The following ABITRAM variants were observed in gnomAD, a reference collection of about 807,000 sequenced individuals.
ABITRAM encodes the protein protein Abitram.
Under a neutral mutation model 22.9 loss-of-function variants are expected in ABITRAM, and 19 were observed. The observed-to-expected ratio is 0.83, with a 90% CI of 0.58 to 1.22. ABITRAM has a LOEUF of 1.22. ABITRAM is among the 50% of genes most tolerant of loss of function. The pLI, the probability that ABITRAM is intolerant of heterozygous loss-of-function variation, is 0.00. For missense variants in ABITRAM, 215 were observed against 220.2 expected, an observed-to-expected ratio of 0.98 and a Z score of 0.15; for synonymous variants, 70 against 73.9, an observed-to-expected ratio of 0.95 and a Z score of 0.27.
chr9:108,948,552 A>T (rs1426069274), intron 3 of ABITRAM, among the ~76,000 whole-genome samples: 1 of 152,192 alleles, frequency 6.6e-6, no homozygotes, highest in African/African-American at 2.4e-5. Context: ...GAGATTTGAT[A>T]ATGTCTTGAC....
At chr9:108,941,202 A>G (rs2132069463), downstream of ABITRAM, among the ~76,000 whole-genome samples, 1 of 152,296 alleles carries the variant, frequency 6.6e-6, no homozygotes, top group East Asian at 1.9e-4. Flanking sequence ...AAAAACTTGT[A>G]ATCTGAGTGC....
intron 3 of ABITRAM, among the ~76,000 whole-genome samples, chr9:108,946,559 A>G (rs920847820): frequency 1.3e-5 from 2 of 152,178 alleles, no homozygotes; most frequent in Non-Finnish European, 2.9e-5. Context: ...CCACCCCTCT[A>G]TCACCTCTGT....
At chr9:108,943,934 C>A, downstream of ABITRAM, 1 of 1,610,528 alleles carries the variant, frequency 6.2e-7, no homozygotes, top group South Asian at 1.1e-5. Context: ...ATACCACCAC[C>A]AGCTCCAGGT....
intron 3 of ABITRAM, among the ~76,000 whole-genome samples, chr9:108,937,090 G>A (rs1260326969): frequency 6.6e-6 from 1 of 152,170 alleles, no homozygotes; most frequent in Non-Finnish European, 1.5e-5. Context: ...AACCTGGGAG[G>A]CGGAGGTTGC....
downstream of ABITRAM, chr9:108,942,851 C>A: frequency 1.2e-6 from 2 of 1,613,114 alleles, no homozygotes; most frequent in South Asian, 2.2e-5. Flanking sequence ...AGAGTTAAGA[C>A]AATTAGTATC....
intron 3 of ABITRAM, among the ~76,000 whole-genome samples, chr9:108,937,138 C>T (rs1433025337): frequency 6.6e-6 from 1 of 152,034 alleles, no homozygotes; most frequent in East Asian, 1.9e-4. Context: ...CCAGCCTGAG[C>T]GGCAGAGCAA....
At chr9:108,947,698 A>G (rs1830446217) in intron 3 of ABITRAM, among the ~76,000 whole-genome samples, 1 of 152,214 alleles carries the variant, frequency 6.6e-6, no homozygotes, top group South Asian at 2.1e-4. Context: ...TCTCTCCTTT[A>G]ATGCCCTAAA....
chr9:108,950,441 C>G, intron 3 of ABITRAM: 1 of 1,506,870 alleles, frequency 6.6e-7, no homozygotes, highest in Non-Finnish European at 8.9e-7. Flanking sequence ...TGATAAGGTA[C>G]TGACAAATGA....
chr9:108,935,864 T>C (rs1830176793), intron 2 of ABITRAM, 175 bp downstream of exon 2: 1 of 586,246 alleles, frequency 1.7e-6, no homozygotes, highest in Non-Finnish European at 3.0e-6. Flanking sequence ...GAATGAGTAT[T>C]CCAGTGCCTG....
At chr9:108,938,695 G>GT (rs920781803) in intron 3 of ABITRAM, among the ~76,000 whole-genome samples, 5 of 145,890 alleles carry the variant, frequency 3.4e-5, no homozygotes, top group African/African-American at 1.2e-4. Flanking sequence ...TACAAAGGGG[G>GT]GGGGGGGAAA....
Position 108,939,706 on chromosome 9 carries a change from A to C in ABITRAM, c.*20A>C. The stretch of plus-strand genomic sequence containing the variant: ...TCATGAGGATTGACATGGAACAAAA[A>C]GCAAAGTGGGATTCTTGTTACCTGG... On this transcript the variant is annotated 3_prime_UTR_variant, in exon 6 of 6. Coordinates refer to ENST00000322940, the MANE Select transcript of ABITRAM (RefSeq NM_017832.4). The C allele has an allele frequency of 1.9e-6, 3 of 1,612,410 alleles. No individual in the cohort carries two copies. Among genetic ancestry groups the C allele is most frequent in the Non-Finnish European group, 2.5e-6 (3 of 1,179,202 alleles).
downstream of ABITRAM, among the ~76,000 whole-genome samples, chr9:108,945,382 G>A (rs1830369657): frequency 6.6e-6 from 1 of 150,790 alleles, no homozygotes; most frequent in African/African-American, 2.4e-5. Context: ...ATACTGTATT[G>A]TTTTCCCTCC....
chr9:108,938,173 C>T (rs1830211164), intron 3 of ABITRAM, among the ~76,000 whole-genome samples: 1 of 152,194 alleles, frequency 6.6e-6, no homozygotes, highest in African/African-American at 2.4e-5. Context: ...AGACCTAGCT[C>T]TTTTGTGTCT....
chr9:108,941,366 T>C (rs887280616), downstream of ABITRAM, among the ~76,000 whole-genome samples: 6 of 152,150 alleles, frequency 3.9e-5, no homozygotes, highest in Non-Finnish European at 8.8e-5. Flanking sequence ...GTCATAAAAC[T>C]ATGACAGTAA....
chr9:108,950,255 A>T (rs1245218943), intron 3 of ABITRAM, among the ~76,000 whole-genome samples: 1 of 152,236 alleles, frequency 6.6e-6, no homozygotes, highest in Non-Finnish European at 1.5e-5. Flanking sequence ...GGGTAAACAC[A>T]GGAGTTCCAT....
chr9:108,948,082 G>T, intron 3 of ABITRAM: 1 of 1,289,076 alleles, frequency 7.8e-7, no homozygotes, highest in Non-Finnish European at 1.1e-6. Flanking sequence ...GGTAGGTACA[G>T]ATGTAAGCAT....
chr9:108,940,598 A>T lies in ABITRAM; in HGVS notation c.*912A>T, dbSNP rs766168951. On this transcript the variant is annotated 3_prime_UTR_variant, in exon 6 of 6. Coordinates refer to ENST00000322940, the MANE Select transcript of ABITRAM (RefSeq NM_017832.4). ...AACACTGTGACTTCTTAAATGAGGG[A>T]TATGTGAAAAGGCTATGAAAAATAC... 6.6e-5 allele frequency: 10 copies of T among 152,190 alleles called. No individual in the cohort carries two copies. The highest frequency in any genetic ancestry group is 1.5e-4 in the Non-Finnish European group (10 of 68,028). The allele number at this position is 152,190 out of a possible 1,614,324, so 9.4% of individuals were successfully genotyped here. A position where few individuals can be genotyped will look rare whatever the true frequency, so the allele number is the denominator to read the frequency against.
Position 108,939,371 on chromosome 9 carries a change from A to C in ABITRAM, c.339-14A>C. On this transcript the variant is annotated splice_polypyrimidine_tract_variant and intron_variant, in intron 4 of 5. Transcript: ENST00000322940. Reference sequence around the variant, plus strand: ...ACTAAGTAAACATGCTGAAATCTTAAATTTTTTTAATAGTTGTGTTAGAGG... The same window carrying C: ...ACTAAGTAAACATGCTGAAATCTTACATTTTTTTAATAGTTGTGTTAGAGG... 3.8e-6 allele frequency: 6 copies of C among 1,599,664 alleles called. No homozygotes were observed. Among genetic ancestry groups the C allele is most frequent in the Non-Finnish European group, 5.1e-6 (6 of 1,176,232 alleles).
At chr9:108,937,458 A>C (rs1830203679) in intron 3 of ABITRAM, among the ~76,000 whole-genome samples, 1 of 152,210 alleles carries the variant, frequency 6.6e-6, no homozygotes, top group African/African-American at 2.4e-5. Flanking sequence ...CTGAGTTCAT[A>C]CTAAGAGTTT....
Sources: gnomAD v4.1 joint callset for allele counts (sites outside exome capture counted in the v4.1 genomes callset) on GRCh38, gnomAD v4.1.1 for gene constraint, MANE v1.5 for transcripts, NCBI Gene and HGNC (gene_info 2026-07-23, HGNC 2026-07-21) for gene names.